THRAP3: variants seen among roughly 807,000 people sequenced by gnomAD.
The protein encoded by THRAP3 is thyroid hormone receptor-associated protein 3.
Under a neutral mutation model 101.0 loss-of-function variants are expected in THRAP3, and 16 were observed. The ratio of observed to expected loss-of-function variants is 0.16; its 90% confidence interval spans 0.11 to 0.24. The LOEUF (loss-of-function observed/expected upper bound fraction) is 0.24, where lower values mean the gene tolerates loss of function less well. Ranked by LOEUF, THRAP3 falls within the 10% of genes least tolerant of loss-of-function variation. The pLI is 1.00. For synonymous variants in THRAP3, 407 were observed against 422.6 expected (o/e 0.96, Z 0.45); for missense variants, 989 against 1,202.7 (o/e 0.82, Z 2.63).
chr1:36,295,822 C>T (rs1221329437), intron 8 of THRAP3, among the ~76,000 whole-genome samples: 1 of 151,936 alleles, frequency 6.6e-6, no homozygotes, highest in East Asian at 1.9e-4. Flanking sequence ...GAGATAATTC[C>T]AAGTGGAGGA....
the THRAP3 span, among the ~76,000 whole-genome samples, chr1:36,216,515 A>C: frequency 6.9e-6 from 1 of 145,934 alleles, no homozygotes; most frequent in Non-Finnish European, 1.5e-5. Context: ...AAAAAAAAAA[A>C]AAAATGCCGG....
intron 9 of THRAP3, among the ~76,000 whole-genome samples, chr1:36,297,343 T>C (rs1029020305): frequency 5.3e-5 from 8 of 152,318 alleles, no homozygotes; most frequent in African/African-American, 1.9e-4. Context: ...GAATGTTCCA[T>C]GACTTTTTAA....
intron 7 of THRAP3, 147 bp from the exon 8 acceptor site, chr1:36,293,704 A>G (rs1445109003): frequency 1.9e-5 from 10 of 531,678 alleles, no homozygotes; most frequent in Admixed American, 6.3e-5. Context: ...GTATAAGTAT[A>G]TAAGAGTAAA....
At chr1:36,287,999 T>G (rs924836667) in intron 4 of THRAP3, 1 of 958,396 alleles carries the variant, frequency 1.0e-6, no homozygotes, top group African/African-American at 1.8e-5. Flanking sequence ...CTCCCCCTTT[T>G]TTTTTCTTTT....
intron 1 of THRAP3, among the ~76,000 whole-genome samples, chr1:36,239,447 A>C (rs1645129593): frequency 6.6e-6 from 1 of 151,970 alleles, no homozygotes; most frequent in South Asian, 2.1e-4. Flanking sequence ...TTGTGTTTTT[A>C]GTAGAGACGA....
chr1:36,279,456 T>C (rs1168274429), intron 2 of THRAP3, among the ~76,000 whole-genome samples: 1 of 152,226 alleles, frequency 6.6e-6, no homozygotes, highest in Non-Finnish European at 1.5e-5. Flanking sequence ...ATTTTTAATA[T>C]TCTCATTGTA....
At chr1:36,221,180 C>T (rs1644901448), upstream of THRAP3, among the ~76,000 whole-genome samples, 1 of 130,236 alleles carries the variant, frequency 7.7e-6, no homozygotes. Flanking sequence ...GAGTGAGACC[C>T]TATCTCAAAA....
chr1:36,258,824 A>G (rs1345991615), intron 1 of THRAP3, among the ~76,000 whole-genome samples: 1 of 152,176 alleles, frequency 6.6e-6, no homozygotes, highest in Admixed American at 6.5e-5. Flanking sequence ...GAGGACATCT[A>G]ATTACCTACA....
chr1:36,252,927 C>CATATATAT lies in THRAP3; in HGVS notation c.-134-6419_-134-6412dup, dbSNP rs71053916. On this transcript the variant is annotated intron_variant, in intron 1 of 11. Transcript: ENST00000354618. ...GTCTCAAAAAATATATATAGATAGGCATATATATATATATATATATATATA... is the reference window on the plus strand; with the variant it reads ...GTCTCAAAAAATATATATAGATAGGCATATATATATATATATATATATATATATATATA... Among the ~76,000 whole-genome samples the CATATATAT allele has an allele frequency of 2.8e-3, 214 of 76,498 alleles. 3 individuals are homozygous for CATATATAT. Among genetic ancestry groups the CATATATAT allele is most frequent in the East Asian group, 6.0e-3 (10 of 1,666 alleles). The allele number at this position is 76,498 out of a possible 152,430, so 50.2% of individuals were successfully genotyped here. A position where few individuals can be genotyped will look rare whatever the true frequency, so the allele number is the denominator to read the frequency against.
chr1:36,220,238 C>T (rs1244730178), upstream of THRAP3, among the ~76,000 whole-genome samples: 1 of 152,142 alleles, frequency 6.6e-6, no homozygotes, highest in African/African-American at 2.4e-5. Context: ...AGTGATCTAC[C>T]CATCTCGGCC....
chr1:36,300,070 A>C (rs528567201), intron 9 of THRAP3, among the ~76,000 whole-genome samples: 1 of 152,310 alleles, frequency 6.6e-6, no homozygotes, highest in Admixed American at 6.5e-5. Context: ...AGAGGTATTC[A>C]GTAACCTCCA....
At chr1:36,239,017 TC>T (rs1645123699) in intron 1 of THRAP3, among the ~76,000 whole-genome samples, 1 of 151,996 alleles carries the variant, frequency 6.6e-6, no homozygotes, top group Non-Finnish European at 1.5e-5. Context: ...CACTGCAAGC[TC>T]CGCCTCCTGG....
intron 6 of THRAP3, 44 bp from the exon 7 acceptor site, chr1:36,292,554 G>A (rs748499290): frequency 4.7e-6 from 7 of 1,501,176 alleles, no homozygotes; most frequent in African/African-American, 1.4e-5. Context: ...ATAGGCTTGA[G>A]CCACCATGCC....
chr1:36,282,709 G>A lies in THRAP3; in HGVS notation c.137+9G>A, dbSNP rs375297019. The A allele has an allele frequency of 1.2e-4, 191 of 1,613,852 alleles. No homozygotes were observed. The Middle Eastern group carries it at 1.5e-3, about 12-fold the overall frequency. On this transcript the variant is annotated intron_variant, in intron 3 of 11. Transcript: ENST00000354618. ...AGGAAGCGCAGGCTGAGGTAAGGGGGTGTGACTTTGTATATTGAGATAATC... is the reference window on the plus strand; with the variant it reads ...AGGAAGCGCAGGCTGAGGTAAGGGGATGTGACTTTGTATATTGAGATAATC...
chr1:36,282,400 T>A, intron 2 of THRAP3, 133 bp from the exon 3 acceptor site: 1 of 661,092 alleles, frequency 1.5e-6, no homozygotes, highest in South Asian at 2.3e-5. Context: ...AAAAAAATTT[T>A]TTTTTTTTTT....
intron 1 of THRAP3, among the ~76,000 whole-genome samples, chr1:36,249,145 A>G (rs1032767954): frequency 1.3e-4 from 20 of 151,526 alleles, no homozygotes; most frequent in African/African-American, 4.4e-4. Flanking sequence ...GGGCCTCCCA[A>G]AGTGCTGGGA....
At chr1:36,264,827 T>C (rs1157250134) in intron 2 of THRAP3, among the ~76,000 whole-genome samples, 6 of 152,172 alleles carry the variant, frequency 3.9e-5, no homozygotes, top group Non-Finnish European at 5.9e-5. Context: ...AGGGCTGCTA[T>C]AATAAAGTAC....
the THRAP3 span, among the ~76,000 whole-genome samples, chr1:36,209,728 G>C: frequency 6.6e-6 from 1 of 152,186 alleles, no homozygotes; most frequent in African/African-American, 2.4e-5. Flanking sequence ...CTAGTCCTCA[G>C]CAGGGCCTGG....
intron 5 of THRAP3, among the ~76,000 whole-genome samples, chr1:36,290,039 GT>G (rs1403378763): frequency 1.3e-5 from 2 of 152,168 alleles, no homozygotes; most frequent in Non-Finnish European, 2.9e-5. Context: ...GTCCAATGCT[GT>G]TTCTTGTATT....
Sources: gnomAD v4.1 joint callset for allele counts (sites outside exome capture counted in the v4.1 genomes callset) on GRCh38, gnomAD v4.1.1 for gene constraint, MANE v1.5 for transcripts, NCBI Gene and HGNC (gene_info 2026-07-23, HGNC 2026-07-21) for gene names.